The following PLA2G4A variants were observed in gnomAD, a reference collection of about 807,000 sequenced individuals.
The protein encoded by PLA2G4A is cytosolic phospholipase A2.
Under a neutral mutation model 81.9 loss-of-function variants are expected in PLA2G4A, and 40 were observed. The observed-to-expected ratio is 0.49, with a 90% confidence interval of 0.38 to 0.64. The LOEUF is 0.64. Among genes scored for constraint, PLA2G4A ranks in the 30% least tolerant of loss-of-function variants. PLA2G4A has a pLI of 0.00. For synonymous variants in PLA2G4A, 302 were observed against 296.9 expected (o/e 1.02, Z -0.18); for missense variants, 715 against 905.1 (o/e 0.79, Z 2.69).
intron 1 of PLA2G4A, among the ~76,000 whole-genome samples, chr1:186,834,050 G>T (rs568385811): frequency 3.3e-5 from 5 of 152,142 alleles, no homozygotes; most frequent in Admixed American, 3.3e-4. Flanking sequence ...GAAAAAAATC[G>T]GTATTTTAGG....
At chr1:186,837,539 C>T (rs1051677407) in intron 1 of PLA2G4A, among the ~76,000 whole-genome samples, 2 of 151,020 alleles carry the variant, frequency 1.3e-5, no homozygotes, top group Non-Finnish European at 2.9e-5. Flanking sequence ...ACCATCCTGG[C>T]TCACACGGTG....
chr1:186,945,891 T>C (rs1368362997), intron 10 of PLA2G4A, among the ~76,000 whole-genome samples: 1 of 152,154 alleles, frequency 6.6e-6, no homozygotes, highest in Non-Finnish European at 1.5e-5. Context: ...TCTTCTAAGC[T>C]CCTTACATTT....
intron 6 of PLA2G4A, 34 bp from the exon 7 acceptor site, chr1:186,911,214 A>C: frequency 6.2e-7 from 1 of 1,604,840 alleles, no homozygotes. Flanking sequence ...CACTGGGAGC[A>C]CTGGCTCATG....
At chr1:186,915,266 T>C (rs1655098142) in intron 7 of PLA2G4A, among the ~76,000 whole-genome samples, 1 of 152,186 alleles carries the variant, frequency 6.6e-6, no homozygotes, top group Non-Finnish European at 1.5e-5. Flanking sequence ...TGCTAGCAAG[T>C]AGTCAAGGGC....
chr1:186,938,423 T>G (rs1656030245), intron 8 of PLA2G4A, among the ~76,000 whole-genome samples: 1 of 152,148 alleles, frequency 6.6e-6, no homozygotes, highest in Non-Finnish European at 1.5e-5. Context: ...TTTATTTCTC[T>G]TTAGGATTTT....
intron 1 of PLA2G4A, among the ~76,000 whole-genome samples, chr1:186,842,147 A>G (rs1652006519): frequency 6.6e-6 from 1 of 151,174 alleles, no homozygotes; most frequent in Non-Finnish European, 1.5e-5. Context: ...GTTTCAAGCA[A>G]TTCTCCTGCC....
rs780668921 is a variant in PLA2G4A at position 186,946,921 on chromosome 1, T to C, written c.1224T>C (p.Ser408=). Residue 408 remains serine (S), a synonymous_variant, in exon 12 of 18, where the codon TCT becomes TCC. Transcript: ENST00000367466. ...TGTTCAACAGAGTTTTGGGCGTTTC[T>C]GGTTCACAAAGCAGAGGCTCCACAA... The part of the protein sequence containing the change: ...SILFNRVLGV[S]GSQSRGSTME... The C allele has an allele frequency of 1.9e-6, 3 of 1,612,188 alleles. No individual in the cohort carries two copies. The Admixed American group carries it at 5.0e-5, about 27-fold the overall frequency.
At chr1:186,874,367 C>A (rs927658420) in intron 3 of PLA2G4A, among the ~76,000 whole-genome samples, 1 of 46,248 alleles carries the variant, frequency 2.2e-5, no homozygotes, top group East Asian at 8.5e-4. Context: ...TACTGAATTT[C>A]TGCTTCTTTT....
intron 15 of PLA2G4A, among the ~76,000 whole-genome samples, chr1:186,977,003 G>A (rs994447079): frequency 1.3e-5 from 2 of 152,114 alleles, no homozygotes; most frequent in African/African-American, 4.8e-5. Flanking sequence ...CATTAACTAA[G>A]CCCTTGGTAC....
At chr1:186,985,877 A>G (rs1657876475) in intron 17 of PLA2G4A, among the ~76,000 whole-genome samples, 1 of 152,206 alleles carries the variant, frequency 6.6e-6, no homozygotes, top group Non-Finnish European at 1.5e-5. Flanking sequence ...GACTTCTTGT[A>G]TAATAATGAA....
chr1:186,894,658 TG>T (rs1489264232), intron 5 of PLA2G4A, among the ~76,000 whole-genome samples: 2 of 152,166 alleles, frequency 1.3e-5, no homozygotes, highest in African/African-American at 2.4e-5. Context: ...TAAATCTCTC[TG>T]GGGGAATATT....
chr1:186,977,809 A>G, intron 16 of PLA2G4A, 21 bp downstream of exon 16: 1 of 1,481,676 alleles, frequency 6.7e-7, no homozygotes, highest in Non-Finnish European at 9.4e-7. Context: ...AGTAAGCTGT[A>G]TTCCATAAAA....
chr1:186,860,813 C>A (rs757109702), intron 2 of PLA2G4A, among the ~76,000 whole-genome samples: 1 of 152,180 alleles, frequency 6.6e-6, no homozygotes, highest in Non-Finnish European at 1.5e-5. Flanking sequence ...TAGAAAGTCA[C>A]TGGGTTTATG....
intron 11 of PLA2G4A, 43 bp from the exon 12 acceptor site, chr1:186,946,826 C>T (rs1656362713): frequency 1.3e-6 from 2 of 1,591,614 alleles, no homozygotes; most frequent in Non-Finnish European, 1.7e-6. Context: ...TATTTTGAAA[C>T]CTGGGATATT....
intron 8 of PLA2G4A, 67 bp from the exon 9 acceptor site, chr1:186,938,941 T>G: frequency 1.2e-6 from 1 of 855,034 alleles, no homozygotes; most frequent in Non-Finnish European, 2.0e-6. Context: ...AGAGTGTGCC[T>G]TCTTTCTTTG....
intron 7 of PLA2G4A, 133 bp downstream of exon 7, chr1:186,911,522 A>G: frequency 1.4e-6 from 1 of 725,026 alleles, no homozygotes; most frequent in African/African-American, 1.8e-5. Flanking sequence ...AGGTAAGGTA[A>G]GTGATTTGTA....
intron 15 of PLA2G4A, among the ~76,000 whole-genome samples, chr1:186,971,325 G>A (rs116244047): frequency 0.02 from 3,080 of 151,996 alleles, 115 homozygotes; most frequent in African/African-American, 0.069. Context: ...ATAATAAAAA[G>A]CATGTCTCCA....
rs1399332123 is a variant in PLA2G4A at position 186,939,279 on chromosome 1, A to T, written c.918+49A>T. 4.1e-6 allele frequency: 3 copies of T among 723,938 alleles called. No homozygotes were observed. The East Asian group carries it at 8.3e-5, about 20-fold the overall frequency. 44.8% of individuals were successfully genotyped at this position (723,938 alleles called of 1,614,324 possible). On this transcript the variant is annotated intron_variant, in intron 9 of 17. Coordinates refer to ENST00000367466, the MANE Select transcript of PLA2G4A (RefSeq NM_024420.3). Reference sequence around the variant, plus strand: ...TGCTTTTATAACAAGTAGACAGAACATATTATAATATTATATTTTAAATAA... The same window carrying T: ...TGCTTTTATAACAAGTAGACAGAACTTATTATAATATTATATTTTAAATAA...
rs185340238 is a variant in PLA2G4A at position 186,959,010 on chromosome 1, T to A, written c.1579+2666T>A. Among the ~76,000 whole-genome samples the A allele has an allele frequency of 1.2e-3, 178 of 152,326 alleles. 5 individuals carry two copies. In the South Asian group the frequency reaches 0.032, roughly 28 times the overall value. ...TTAAACCGGGCATCCTGTATTTTTTTAGCTAAATTTGGCAACTTTAGGATG... is the reference window on the plus strand; with the variant it reads ...TTAAACCGGGCATCCTGTATTTTTTAAGCTAAATTTGGCAACTTTAGGATG... On this transcript the variant is annotated intron_variant, in intron 14 of 17. Transcript: ENST00000367466.
Sources: gnomAD v4.1 joint callset for allele counts (sites outside exome capture counted in the v4.1 genomes callset) on GRCh38, gnomAD v4.1.1 for gene constraint, MANE v1.5 for transcripts, NCBI Gene and HGNC (gene_info 2026-07-23, HGNC 2026-07-21) for gene names.